Variants in FRMD1 observed in about 807,000 individuals in gnomAD.
FRMD1 encodes the protein FERM domain-containing protein 1.
A neutral mutation model predicts 54.9 loss-of-function variants in FRMD1; 51 were observed. The ratio of observed to expected loss-of-function variants is 0.93; its 90% CI spans 0.74 to 1.17. The LOEUF (loss-of-function observed/expected upper bound fraction) is 1.17. Among genes scored for constraint, FRMD1 ranks in the 50% most tolerant of loss-of-function variants. The pLI is 0.00. For missense variants in FRMD1, 729 were observed against 743.0 expected (o/e 0.98, Z 0.22); for synonymous variants, 324 against 306.4 (o/e 1.06, Z -0.60).
chr6:168,071,268 T>C (rs976044304), intron 2 of FRMD1, among the ~76,000 whole-genome samples: 1 of 152,256 alleles, frequency 6.6e-6, no homozygotes, highest in African/African-American at 2.4e-5. Flanking sequence ...CTCTTGTTTT[T>C]TGCTACAGGC....
Position 168,079,193 on chromosome 6 carries a change from T to C in FRMD1, c.-99A>G. ...TTTCCGGGACCCGCCCTTGCCGAGCTTCTCACTGGGAAGGGAATTGAGAGG... is the reference window on the plus strand; with the variant it reads ...TTTCCGGGACCCGCCCTTGCCGAGCCTCTCACTGGGAAGGGAATTGAGAGG... On this transcript the variant is annotated 5_prime_UTR_variant, in exon 1 of 11. Coordinates refer to ENST00000283309, the MANE Select transcript of FRMD1 (RefSeq NM_024919.6). 2.8e-6 allele frequency: 4 copies of C among 1,423,388 alleles called. No individual in the cohort carries two copies. Among genetic ancestry groups the C allele is most frequent in the Non-Finnish European group, 3.7e-6 (4 of 1,089,268 alleles). 88.2% of individuals were successfully genotyped at this position (1,423,388 alleles called of 1,614,324 possible).
intron 2 of FRMD1, among the ~76,000 whole-genome samples, chr6:168,069,728 T>TA (rs1206251692): frequency 1.3e-5 from 2 of 152,126 alleles, no homozygotes; most frequent in Non-Finnish European, 2.9e-5. Context: ...ACGAGAACAA[T>TA]ACTTGCGGCA....
rs764845707 is a variant in FRMD1 at position 168,064,955 on chromosome 6, G to A, written c.564C>T (p.Cys188=). 1.3e-5 allele frequency: 21 copies of A among 1,611,418 alleles called. No homozygotes were observed. Among genetic ancestry groups the A allele is most frequent in the African/African-American group, 2.7e-5 (2 of 74,918 alleles). ...GCTCGCCCAGGTCAGCCTGCAGCGCGCAGGCAGCCAGCAGGAAGTAGGCTT... is the reference window on the plus strand; with the variant it reads ...GCTCGCCCAGGTCAGCCTGCAGCGCACAGGCAGCCAGCAGGAAGTAGGCTT... The part of the protein sequence containing the change: ...REEAYFLLAA[C]ALQADLGEHR... The change falls in exon 5 of 11, where the codon TGC becomes TGT. Residue 188 remains cysteine (C), a synonymous_variant. Transcript: ENST00000283309.
upstream of FRMD1, among the ~76,000 whole-genome samples, chr6:168,082,349 C>A (rs914951606): frequency 6.6e-6 from 1 of 152,206 alleles, no homozygotes; most frequent in Admixed American, 6.5e-5. Context: ...GCTCAGCCTC[C>A]ACCCCCACCA....
At chr6:168,058,231 C>T (rs1419358066) in intron 10 of FRMD1, among the ~76,000 whole-genome samples, 3 of 137,232 alleles carry the variant, frequency 2.2e-5, no homozygotes. Flanking sequence ...TCTCTCTCTC[C>T]ATCCGCCTCC....
At chr6:168,065,165 C>A in intron 4 of FRMD1, 108 bp from the exon 5 acceptor site, 2 of 1,449,240 alleles carry the variant, frequency 1.4e-6, no homozygotes, top group South Asian at 2.9e-5. Context: ...TGTCCTGAGC[C>A]CCTGGTACCT....
At chr6:168,062,588 G>A in intron 7 of FRMD1, 1 of 1,360,318 alleles carries the variant, frequency 7.4e-7, no homozygotes, top group Non-Finnish European at 1.0e-6. Flanking sequence ...CTCTTCGGGT[G>A]CAGAATTGTC....
chr6:168,075,263 C>T lies in FRMD1; in HGVS notation c.286G>A (p.Gly96Ser), dbSNP rs1221107892. The T allele has an allele frequency of 1.9e-6, 3 of 1,613,768 alleles. No individual in the cohort carries two copies. The highest frequency in any genetic ancestry group is 2.5e-6 in the Non-Finnish European group (3 of 1,180,000). Reference sequence around the variant, plus strand: ...TGCTTACTTCTGACCACACAGAGGCCAAAGAACTGCGCGTCTCTGATGCTC... The same window carrying T: ...TGCTTACTTCTGACCACACAGAGGCTAAAGAACTGCGCGTCTCTGATGCTC... Reference protein sequence around the residue: ...VASIRDAQFFGLCVVRNNEYI... With the variant: ...VASIRDAQFFSLCVVRNNEYI... Residue 96 changes from glycine (G) to serine (S), a missense_variant, in exon 2 of 11, where the codon GGC becomes AGC. Gly to Ser is a moderately conservative substitution (Grantham distance 56, BLOSUM62 0). Coordinates refer to ENST00000283309, the MANE Select transcript of FRMD1 (RefSeq NM_024919.6).
Position 168,067,440 on chromosome 6 carries a change from T to C in FRMD1, c.311A>G (p.Glu104Gly), listed in dbSNP as rs530598015. 1.8e-5 allele frequency: 28 copies of C among 1,599,198 alleles called. No homozygotes were observed. Among genetic ancestry groups the C allele is most frequent in the African/African-American group, 2.7e-5 (2 of 74,588 alleles). Reference protein sequence around the residue: ...FFGLCVVRNNEYIFMDLEQKL... With the variant: ...FFGLCVVRNNGYIFMDLEQKL... ...TTGCTCCAAATCCATAAATATATACTCATTGTCTGAAAGCAAAACAAAAGG... is the reference window on the plus strand; with the variant it reads ...TTGCTCCAAATCCATAAATATATACCCATTGTCTGAAAGCAAAACAAAAGG... Residue 104 changes from glutamate to glycine, a missense_variant, in exon 3 of 11, where the codon GAG (glutamate) becomes GGG (glycine). Transcript: ENST00000283309.
upstream of FRMD1, chr6:168,081,462 G>A (rs1439425472): frequency 2.6e-6 from 4 of 1,535,524 alleles, no homozygotes; most frequent in Non-Finnish European, 2.6e-6. Context: ...GGAGACCACC[G>A]CCCAGATCTC....
rs192183845 is a variant in FRMD1 at position 168,078,531 on chromosome 6, C to T, written c.213+351G>A. Among the ~76,000 whole-genome samples, 509 of 150,594 alleles carry T rather than the reference C, an allele frequency of 3.4e-3. 4 individuals are homozygous for T. Among genetic ancestry groups the T allele is most frequent in the African/African-American group, 0.012 (487 of 40,866 alleles). Reference sequence around the variant, plus strand: ...GCTCTGCTCACCCCATACCCCTGCTCACCCCCACGGCCCTGCTCACCCCCA... The same window carrying T: ...GCTCTGCTCACCCCATACCCCTGCTTACCCCCACGGCCCTGCTCACCCCCA... On this transcript the variant is annotated intron_variant, in intron 1 of 10. Transcript: ENST00000283309.
chr6:168,065,253 G>A, intron 4 of FRMD1, 196 bp from the exon 5 acceptor site: 1 of 1,340,258 alleles, frequency 7.5e-7, no homozygotes, highest in Non-Finnish European at 9.5e-7. Flanking sequence ...CCTGGAGCGG[G>A]GCACAGGTGA....
At position 168,057,344 on chromosome 6, in the gene FRMD1, G is replaced by A. The variant is rs765184454; in HGVS notation, c.1408-5C>T. On this transcript the variant is annotated splice_region_variant and splice_polypyrimidine_tract_variant and intron_variant, in intron 10 of 10. Transcript: ENST00000283309. ...CCCGGCTGTCATTTCCTGGATCTGCGGGGAGAGGCCATGGGATGAGGCCTG... is the reference window on the plus strand; with the variant it reads ...CCCGGCTGTCATTTCCTGGATCTGCAGGGAGAGGCCATGGGATGAGGCCTG... 1.9e-5 allele frequency: 30 copies of A among 1,608,506 alleles called. No individual in the cohort carries two copies. Among genetic ancestry groups the A allele is most frequent in the East Asian group, 4.5e-5 (2 of 44,850 alleles).
At chr6:168,079,223 C>G (rs9455945), upstream of FRMD1, 1,070 of 1,418,828 alleles carry the variant, frequency 7.5e-4, 3 homozygotes, top group African/African-American at 0.014. Context: ...GAGAGGGAAG[C>G]CTGGGCTGGG....
chr6:168,067,208 CACTGTCCACCGTGGTGCCCT>C, intron 3 of FRMD1, 139 bp downstream of exon 3: 2 of 652,424 alleles, frequency 3.1e-6, no homozygotes, highest in Non-Finnish European at 5.6e-6. Flanking sequence ...CGCATCCCAC[CACTGTCCACCGTGGTGCCCT>C]GCTCTCTCCC....
chr6:168,080,462 A>T (rs1238214106), upstream of FRMD1, among the ~76,000 whole-genome samples: 5 of 152,154 alleles, frequency 3.3e-5, no homozygotes, highest in South Asian at 2.1e-4. Flanking sequence ...AACCACAAAA[A>T]AAAACAGCCC....
At position 168,059,087 on chromosome 6, in the gene FRMD1, C is replaced by T. The variant is rs748185252; in HGVS notation, c.1407+37G>A. 7 of 1,497,440 alleles carry T rather than the reference C, an allele frequency of 4.7e-6. No homozygotes were observed. The highest frequency in any genetic ancestry group is 1.9e-5 in the Admixed American group (1 of 52,072). The allele number at this position is 1,497,440 out of a possible 1,614,324, so 92.8% of individuals were successfully genotyped here. ...GACCTAGGAGAAGGGGGTGGAGGAG[C>T]AGGGCCAGGGCTTCTGGCCCGTGGG... On this transcript the variant is annotated intron_variant, in intron 10 of 10. Coordinates refer to ENST00000283309, the MANE Select transcript of FRMD1 (RefSeq NM_024919.6). This position sits in a 1 kb window ranked among gnomAD's most constrained non-coding sequence, Gnocchi z 4.4.
Position 168,056,876 on chromosome 6 carries a change from C to T in FRMD1, c.*221G>A, listed in dbSNP as rs118026577. 2,199 of 436,794 alleles carry T rather than the reference C, an allele frequency of 5.0e-3. 12 individuals are homozygous for T. The highest frequency in any genetic ancestry group is 6.4e-3 in the Non-Finnish European group (1,659 of 258,064). 27.1% of individuals were successfully genotyped at this position (436,794 alleles called of 1,614,324 possible). On this transcript the variant is annotated 3_prime_UTR_variant, in exon 11 of 11. Coordinates refer to ENST00000283309, the MANE Select transcript of FRMD1 (RefSeq NM_024919.6). ...CTGAGACCCTGAGGGAAAGAGCTCC[C>T]GGGTGTATGGCAGACAGGCATGAGG...
intron 2 of FRMD1, 85 bp from the exon 3 acceptor site, chr6:168,067,531 A>T: frequency 1.2e-6 from 1 of 824,780 alleles, no homozygotes; most frequent in Non-Finnish European, 2.0e-6. Flanking sequence ...TGTGGCTTGG[A>T]GAGAAGAGAT....
Sources: allele counts gnomAD v4.1 joint callset (sites outside exome capture counted in the v4.1 genomes callset), GRCh38; gene constraint gnomAD v4.1.1; non-coding constraint Gnocchi (gnomAD v3.1); transcripts MANE v1.5; gene names NCBI Gene and HGNC (gene_info 2026-07-23, HGNC 2026-07-21).